SEC24B: variants seen among roughly 807,000 people sequenced by gnomAD.
SEC24B encodes SEC24 homolog B, COPII component, also known as protein transport protein Sec24B.
SEC24B carries 45 observed loss-of-function variants against 142.8 expected under a neutral mutation model. The observed-to-expected ratio is 0.32, with a 90% CI of 0.25 to 0.40. The LOEUF (loss-of-function observed/expected upper bound fraction) is 0.40, where lower values mean the gene tolerates loss of function less well. Ranked by LOEUF, SEC24B falls within the 10% of genes least tolerant of loss-of-function variation. The pLI, the probability that SEC24B is intolerant of heterozygous loss-of-function variation, is 1.00. For missense variants in SEC24B, 1,409 were observed against 1,526.8 expected (o/e 0.92, Z 1.29); for synonymous variants, 574 against 568.2 (o/e 1.01, Z -0.15).
chr4:109,461,794 G>C (rs549256970), intron 1 of SEC24B, among the ~76,000 whole-genome samples: 30 of 152,182 alleles, frequency 2.0e-4, no homozygotes, highest in African/African-American at 7.2e-4. Flanking sequence ...TACTTTTCTA[G>C]TTAGGAAAAA....
At chr4:109,487,840 C>T (rs948281525) in intron 4 of SEC24B, among the ~76,000 whole-genome samples, 4 of 152,104 alleles carry the variant, frequency 2.6e-5, no homozygotes, top group African/African-American at 7.2e-5. Flanking sequence ...AGATTTCAAA[C>T]TATTCAGTAA....
chr4:109,517,038 A>T (rs1723010155), intron 11 of SEC24B, among the ~76,000 whole-genome samples: 2 of 152,214 alleles, frequency 1.3e-5, no homozygotes. Context: ...AAATTAGTAC[A>T]GCCATTATAG....
intron 1 of SEC24B, among the ~76,000 whole-genome samples, chr4:109,440,575 T>A (rs1404906177): frequency 6.6e-6 from 1 of 152,218 alleles, no homozygotes; most frequent in Non-Finnish European, 1.5e-5. Context: ...GTGGAGAAAC[T>A]TACTTAACAT....
chr4:109,518,204 G>C (rs540253324), intron 11 of SEC24B, among the ~76,000 whole-genome samples: 2 of 152,108 alleles, frequency 1.3e-5, no homozygotes, highest in Non-Finnish European at 2.9e-5. Flanking sequence ...TATAGGATAC[G>C]TGGCTTATAC....
intron 7 of SEC24B, among the ~76,000 whole-genome samples, chr4:109,507,940 C>T (rs2126040060): frequency 6.6e-6 from 1 of 152,194 alleles, no homozygotes; most frequent in East Asian, 1.9e-4. Context: ...CCACTGTGCC[C>T]AGCCTATTTC....
intron 1 of SEC24B, chr4:109,449,474 T>C (rs1729834113): frequency 2.2e-6 from 1 of 453,874 alleles, no homozygotes; most frequent in African/African-American, 2.0e-5. Context: ...CCAAGCAATC[T>C]GCCCGCCTCG....
chr4:109,475,416 T>A (rs1471787099), intron 3 of SEC24B, among the ~76,000 whole-genome samples: 1 of 152,216 alleles, frequency 6.6e-6, no homozygotes, highest in Non-Finnish European at 1.5e-5. Flanking sequence ...GTGATTATAC[T>A]TAAAAAGAGA....
chr4:109,538,446 GAA>G, intron 22 of SEC24B, 45 bp from the exon 23 acceptor site: 1 of 1,295,316 alleles, frequency 7.7e-7, no homozygotes, highest in Non-Finnish European at 1.1e-6. Context: ...TATTACTGCT[GAA>G]GTCTATGAGA....
At chr4:109,479,098 T>A (rs185226162) in intron 3 of SEC24B, among the ~76,000 whole-genome samples, 1 of 152,358 alleles carries the variant, frequency 6.6e-6, no homozygotes, top group East Asian at 1.9e-4. Context: ...GGATATGTTC[T>A]CCTGGAAAGA....
intron 14 of SEC24B, among the ~76,000 whole-genome samples, chr4:109,522,059 T>G (rs1420351091): frequency 2.1e-5 from 2 of 95,002 alleles, no homozygotes; most frequent in South Asian, 3.6e-4. Context: ...TTGTTTTTGT[T>G]TTTTTTTTTT....
chr4:109,462,886 TA>T lies in SEC24B; in HGVS notation c.134-14del. On this transcript the variant is annotated splice_polypyrimidine_tract_variant and intron_variant, in intron 1 of 23. Transcript: ENST00000265175. ...TTATCTCTTTACAAATACCTGTAAA[TA>T]CTTGCTTTTTCAGGTCCAGCCCAGA... 1.7e-6 allele frequency: 1 copy of T among 582,764 alleles called. No individual in the cohort carries two copies. 36.1% of individuals were successfully genotyped at this position (582,764 alleles called of 1,614,324 possible). A position where few individuals can be genotyped will look rare whatever the true frequency, so the allele number is the denominator to read the frequency against.
chr4:109,502,834 A>C (rs1736288730), intron 6 of SEC24B, among the ~76,000 whole-genome samples: 1 of 152,174 alleles, frequency 6.6e-6, no homozygotes, highest in African/African-American at 2.4e-5. Flanking sequence ...ATTTTGTATA[A>C]GCAAAAAATT....
intron 1 of SEC24B, among the ~76,000 whole-genome samples, chr4:109,461,958 T>G (rs1333049854): frequency 6.6e-6 from 1 of 151,544 alleles, no homozygotes; most frequent in African/African-American, 2.4e-5. Context: ...AAAATAAATT[T>G]AGAAACATTG....
At chr4:109,500,001 G>A (rs550284612) in intron 6 of SEC24B, among the ~76,000 whole-genome samples, 21 of 152,314 alleles carry the variant, frequency 1.4e-4, no homozygotes, top group African/African-American at 4.8e-4. Flanking sequence ...GAGACAAGAT[G>A]TGGAGATGGA....
At chr4:109,441,145 C>A (rs1364870651) in intron 1 of SEC24B, among the ~76,000 whole-genome samples, 3 of 152,172 alleles carry the variant, frequency 2.0e-5, no homozygotes, top group African/African-American at 7.2e-5. Flanking sequence ...AAAATCATGT[C>A]TTGCCTAGCC....
chr4:109,464,880 G>T (rs7440570), intron 2 of SEC24B, among the ~76,000 whole-genome samples: 3 of 152,098 alleles, frequency 2.0e-5, no homozygotes, highest in Middle Eastern at 3.2e-3. Context: ...AAACAAAAAG[G>T]GGGTATTTTC....
intron 5 of SEC24B, among the ~76,000 whole-genome samples, chr4:109,492,973 G>A (rs1291028872): frequency 1.3e-5 from 2 of 151,816 alleles, no homozygotes; most frequent in Non-Finnish European, 2.9e-5. Flanking sequence ...TTCCACCTTG[G>A]CCTTCCAAAG....
chr4:109,473,416 ATTAT>A (rs1732744023), intron 3 of SEC24B, among the ~76,000 whole-genome samples: 1 of 152,136 alleles, frequency 6.6e-6, no homozygotes, highest in East Asian at 1.9e-4. Flanking sequence ...TTTATGGCTA[ATTAT>A]TCATTGTGTC....
At chr4:109,441,857 C>T (rs548541253) in intron 1 of SEC24B, among the ~76,000 whole-genome samples, 10 of 152,116 alleles carry the variant, frequency 6.6e-5, no homozygotes, top group Non-Finnish European at 1.0e-4. Context: ...AGGCTCTGTC[C>T]GCCAGCGGTG....
Sources: gnomAD v4.1 joint callset for allele counts (sites outside exome capture counted in the v4.1 genomes callset) on GRCh38, gnomAD v4.1.1 for gene constraint, MANE v1.5 for transcripts, NCBI Gene and HGNC (gene_info 2026-07-23, HGNC 2026-07-21) for gene names.